ARHGEF37: variants seen among roughly 807,000 people sequenced by gnomAD.
The protein encoded by ARHGEF37 is Rho guanine nucleotide exchange factor 37, also known as Rho guanine nucleotide exchange factor (GEF) 37.
In ARHGEF37, 55 loss-of-function variants were observed where a neutral mutation model predicts 71.1. The ratio of observed to expected loss-of-function variants is 0.77; its 90% CI spans 0.62 to 0.97. The LOEUF is 0.97. Ranked by LOEUF, ARHGEF37 falls within the 50% of genes least tolerant of loss-of-function variation. The pLI, the probability that ARHGEF37 is intolerant of heterozygous loss-of-function variation, is 0.00. For synonymous variants in ARHGEF37, 327 were observed against 350.6 expected (o/e 0.93, Z 0.75); for missense variants, 765 against 836.8 (o/e 0.91, Z 1.06).
chr5:149,572,040 G>A (rs925812354), intron 1 of ARHGEF37, among the ~76,000 whole-genome samples: 1 of 151,778 alleles, frequency 6.6e-6, no homozygotes, highest in African/African-American at 2.4e-5. Context: ...CTGGCTTCAA[G>A]ACTTTCTATT....
chr5:149,587,848 C>T (rs570983282), intron 1 of ARHGEF37, among the ~76,000 whole-genome samples: 2 of 151,432 alleles, frequency 1.3e-5, no homozygotes, highest in South Asian at 2.1e-4. Flanking sequence ...TAGCCAGGGT[C>T]CCTATGTGCA....
At chr5:149,618,355 C>T in intron 6 of ARHGEF37, 49 bp downstream of exon 6, 1 of 1,612,252 alleles carries the variant, frequency 6.2e-7, no homozygotes. Context: ...CCCCCAAGGC[C>T]AGGCCCTGCA....
chr5:149,599,965 GAT>G lies in ARHGEF37; in HGVS notation c.187-1140_187-1139del, dbSNP rs545755738. Among the ~76,000 whole-genome samples the G allele has an allele frequency of 4.8e-3, 724 of 152,258 alleles. 6 individuals carry two copies. Among genetic ancestry groups the G allele is most frequent in the African/African-American group, 0.017 (692 of 41,556 alleles). On this transcript the variant is annotated intron_variant, in intron 2 of 12. Transcript: ENST00000333677. ...CAGTCTTATGTCACTTAACACCAGG[GAT>G]ATGTTTTGAGGAATGCATAGTGAGG... is the stretch of plus-strand genomic sequence containing the variant.
At chr5:149,554,662 T>TA (rs1554118896) in intron 1 of ARHGEF37, among the ~76,000 whole-genome samples, 7 of 151,844 alleles carry the variant, frequency 4.6e-5, no homozygotes, top group Admixed American at 3.3e-4. Flanking sequence ...TTTTTTTTTT[T>TA]ACATAGAAAA....
chr5:149,609,754 C>T, intron 4 of ARHGEF37, 59 bp downstream of exon 4: 19 of 1,603,776 alleles, frequency 1.2e-5, no homozygotes, highest in Non-Finnish European at 1.6e-5. Context: ...TCAGGAGCAG[C>T]TATGGTCTCA....
At chr5:149,586,626 T>C (rs1174977310) in intron 1 of ARHGEF37, among the ~76,000 whole-genome samples, 1 of 152,250 alleles carries the variant, frequency 6.6e-6, no homozygotes, top group African/African-American at 2.4e-5. Flanking sequence ...GAAGCTGTTG[T>C]ACCAGTCCAG....
chr5:149,624,649 C>CTATAA lies in ARHGEF37; in HGVS notation c.1464+510_1464+511insATAAT, dbSNP rs5872139. Among the ~76,000 whole-genome samples, 453 of 151,636 alleles carry CTATAA rather than the reference C, an allele frequency of 3.0e-3. 3 individuals carry two copies. Among genetic ancestry groups the CTATAA allele is most frequent in the African/African-American group, 0.01 (428 of 41,362 alleles). On this transcript the variant is annotated intron_variant, in intron 10 of 12. Transcript: ENST00000333677. ...ATTAGCTGAGCGTGGTGGTGTGCAC[C>CTATAA]TCCCAGCTACTTGGGAGGCTGAGGC...
At chr5:149,625,395 T>C (rs1404567614) in intron 10 of ARHGEF37, among the ~76,000 whole-genome samples, 1 of 152,024 alleles carries the variant, frequency 6.6e-6, no homozygotes, top group Non-Finnish European at 1.5e-5. Context: ...ACATGCAACA[T>C]GTGAACTGAA....
intron 1 of ARHGEF37, among the ~76,000 whole-genome samples, chr5:149,566,359 T>C (rs553368044): frequency 6.6e-6 from 1 of 152,018 alleles, no homozygotes; most frequent in South Asian, 2.1e-4. Context: ...TAGCTGGTCA[T>C]GGTAGCAGGC....
intron 1 of ARHGEF37, among the ~76,000 whole-genome samples, chr5:149,563,095 G>C (rs1318387720): frequency 6.6e-6 from 1 of 152,138 alleles, no homozygotes; most frequent in African/African-American, 2.4e-5. Context: ...AGTTCCTGGT[G>C]TGCTGTCCAG....
intron 1 of ARHGEF37, among the ~76,000 whole-genome samples, chr5:149,570,442 G>C (rs1020254537): frequency 6.6e-6 from 1 of 151,692 alleles, no homozygotes; most frequent in Non-Finnish European, 1.5e-5. Flanking sequence ...TGGGCATGGT[G>C]GTGGGCACCT....
At chr5:149,609,433 T>C in intron 3 of ARHGEF37, 115 bp from the exon 4 acceptor site, 1 of 1,186,798 alleles carries the variant, frequency 8.4e-7, no homozygotes, top group Non-Finnish European at 1.2e-6. Flanking sequence ...GACATGCTGG[T>C]AAACCCAGCA....
At chr5:149,553,383 A>T (rs1762711077) in intron 1 of ARHGEF37, among the ~76,000 whole-genome samples, 1 of 151,976 alleles carries the variant, frequency 6.6e-6, no homozygotes, top group Non-Finnish European at 1.5e-5. Context: ...CTGGAGACAG[A>T]GCGAGACTCC....
At chr5:149,579,170 A>G (rs1001864805), upstream of ARHGEF37, among the ~76,000 whole-genome samples, 14 of 152,224 alleles carry the variant, frequency 9.2e-5, no homozygotes, top group Non-Finnish European at 1.3e-4. Flanking sequence ...TACTTCTGAA[A>G]AAAAGCGCAA....
intron 1 of ARHGEF37, among the ~76,000 whole-genome samples, chr5:149,587,569 T>C (rs1763271728): frequency 6.6e-6 from 1 of 152,216 alleles, no homozygotes; most frequent in South Asian, 2.1e-4. Context: ...CTCCAGGGCC[T>C]GGGCTCCTAA....
intron 1 of ARHGEF37, among the ~76,000 whole-genome samples, chr5:149,565,097 TA>T (rs1382554934): frequency 1.3e-5 from 2 of 152,166 alleles, no homozygotes; most frequent in Non-Finnish European, 2.9e-5. Flanking sequence ...AGGCAAGTGT[TA>T]GGAGATTGAG....
chr5:149,563,908 T>C (rs1762866189), intron 1 of ARHGEF37, among the ~76,000 whole-genome samples: 1 of 151,938 alleles, frequency 6.6e-6, no homozygotes, highest in South Asian at 2.1e-4. Context: ...TCATCTACAC[T>C]GATTGATTTT....
intron 1 of ARHGEF37, among the ~76,000 whole-genome samples, chr5:149,591,998 T>G (rs1204963040): frequency 6.6e-6 from 1 of 152,232 alleles, no homozygotes; most frequent in African/African-American, 2.4e-5. Flanking sequence ...AATATTTTGC[T>G]TTTACATTTT....
chr5:149,606,152 G>T (rs1223396788), intron 3 of ARHGEF37, among the ~76,000 whole-genome samples: 1 of 152,112 alleles, frequency 6.6e-6, no homozygotes, highest in Non-Finnish European at 1.5e-5. Flanking sequence ...CATTTCTGAG[G>T]ACACACCCAT....
Sources: gnomAD v4.1 joint callset for allele counts (sites outside exome capture counted in the v4.1 genomes callset) on GRCh38, gnomAD v4.1.1 for gene constraint, MANE v1.5 for transcripts, NCBI Gene and HGNC (gene_info 2026-07-23, HGNC 2026-07-21) for gene names.